GULP1: variants seen among roughly 807,000 people sequenced by gnomAD.
GULP1 encodes GULP PTB domain containing engulfment adaptor 1, also known as PTB domain-containing engulfment adapter protein 1.
A neutral mutation model predicts 40.9 loss-of-function variants in GULP1; 19 were observed. The ratio of observed to expected loss-of-function variants is 0.46; its 90% confidence interval spans 0.32 to 0.68. The LOEUF (loss-of-function observed/expected upper bound fraction) is 0.68, where lower values mean the gene tolerates loss of function less well. GULP1 is among the 30% of genes least tolerant of loss of function. The probability of loss-of-function intolerance (pLI) is 0.03; values close to 1 mark genes in which losing one functional copy is unlikely to be tolerated. For missense variants in GULP1, 312 were observed against 362.2 expected, an observed-to-expected ratio of 0.86 and a Z score of 1.12; for synonymous variants, 119 against 117.6, an observed-to-expected ratio of 1.01 and a Z score of -0.08.
At chr2:188,576,394 T>C (rs903898139) in intron 9 of GULP1, among the ~76,000 whole-genome samples, 1 of 152,094 alleles carries the variant, frequency 6.6e-6, no homozygotes, top group African/African-American at 2.4e-5. Context: ...AGTATTAAAA[T>C]TAAGACATCC....
chr2:188,303,967 G>T (rs1475531954), intron 1 of GULP1, among the ~76,000 whole-genome samples: 2 of 152,116 alleles, frequency 1.3e-5, no homozygotes, highest in Non-Finnish European at 2.9e-5. Context: ...TTGTCCTGGG[G>T]CCCCCCTCTG....
chr2:188,443,160 G>T (rs2058081144), intron 2 of GULP1, among the ~76,000 whole-genome samples: 1 of 148,402 alleles, frequency 6.7e-6, no homozygotes, highest in Admixed American at 6.7e-5. Context: ...TATCCAGAGA[G>T]ATATGGTACA....
intron 7 of GULP1, among the ~76,000 whole-genome samples, chr2:188,562,197 C>G (rs1257962805): frequency 1.3e-5 from 2 of 152,198 alleles, no homozygotes; most frequent in African/African-American, 4.8e-5. Flanking sequence ...AAGCTCCCTC[C>G]TGGGAGCAGT....
At chr2:188,449,405 A>G (rs943763622) in intron 2 of GULP1, among the ~76,000 whole-genome samples, 1 of 152,092 alleles carries the variant, frequency 6.6e-6, no homozygotes, top group African/African-American at 2.4e-5. Flanking sequence ...TTGAGTCTCT[A>G]TGATTTGCAG....
chr2:188,504,136 C>A (rs2063694107), intron 4 of GULP1, among the ~76,000 whole-genome samples: 1 of 151,858 alleles, frequency 6.6e-6, no homozygotes, highest in African/African-American at 2.4e-5. Flanking sequence ...AGCTGTCACT[C>A]TTCTGTACAG....
intron 1 of GULP1, among the ~76,000 whole-genome samples, chr2:188,329,103 A>G (rs1160436536): frequency 1.4e-5 from 2 of 148,126 alleles, no homozygotes; most frequent in Non-Finnish European, 3.0e-5. Flanking sequence ...CCCTCCTTCA[A>G]TCATCAGTAT....
At chr2:188,549,270 C>A (rs1251291590) in intron 7 of GULP1, among the ~76,000 whole-genome samples, 3 of 151,578 alleles carry the variant, frequency 2.0e-5, no homozygotes, top group Admixed American at 2.0e-4. Flanking sequence ...ACATATCAGA[C>A]AAATAACTAG....
chr2:188,516,528 T>C (rs1276217582), intron 4 of GULP1, among the ~76,000 whole-genome samples: 3 of 152,164 alleles, frequency 2.0e-5, no homozygotes, highest in Non-Finnish European at 4.4e-5. Flanking sequence ...TACCTTTGGT[T>C]CTGGGAAAGT....
intron 4 of GULP1, among the ~76,000 whole-genome samples, chr2:188,516,795 C>A (rs1490684546): frequency 6.6e-6 from 1 of 152,092 alleles, no homozygotes; most frequent in Non-Finnish European, 1.5e-5. Flanking sequence ...TATTCTAGAC[C>A]AATTCTTCAA....
chr2:188,562,983 A>G (rs1373009489), intron 7 of GULP1, among the ~76,000 whole-genome samples: 1 of 152,010 alleles, frequency 6.6e-6, no homozygotes, highest in Non-Finnish European at 1.5e-5. Context: ...TCTTTAACTG[A>G]AGAACAGTAA....
intron 1 of GULP1, chr2:188,294,495 T>C (rs2034490017): frequency 6.6e-6 from 1 of 152,084 alleles, no homozygotes; most frequent in Non-Finnish European, 1.5e-5. Flanking sequence ...CTCTTCTTTG[T>C]GTATTAAAGT....
At chr2:188,376,002 GT>G (rs541965836) in intron 1 of GULP1, among the ~76,000 whole-genome samples, 78 of 151,970 alleles carry the variant, frequency 5.1e-4, no homozygotes, top group African/African-American at 1.8e-3. Context: ...CCATATCCAC[GT>G]TTTACATTCT....
At chr2:188,318,725 A>C (rs2039511488) in intron 1 of GULP1, among the ~76,000 whole-genome samples, 1 of 152,134 alleles carries the variant, frequency 6.6e-6, no homozygotes, top group African/African-American at 2.4e-5. Context: ...TTTTCCTAGA[A>C]ATTTCTGCAT....
intron 2 of GULP1, among the ~76,000 whole-genome samples, chr2:188,386,543 TATATA>T (rs1276345387): frequency 3.9e-5 from 6 of 152,262 alleles, no homozygotes; most frequent in Non-Finnish European, 8.8e-5. Context: ...TATCTGTTAA[TATATA>T]ATATGTTTTA....
At chr2:188,521,103 CT>C (rs1282927744) in intron 4 of GULP1, among the ~76,000 whole-genome samples, 1 of 151,768 alleles carries the variant, frequency 6.6e-6, no homozygotes. Context: ...TCGTGAATCT[CT>C]TTGGTCTTAT....
chr2:188,423,845 T>A (rs1391041240), intron 2 of GULP1, among the ~76,000 whole-genome samples: 2 of 151,752 alleles, frequency 1.3e-5, no homozygotes, highest in Non-Finnish European at 3.0e-5. Context: ...AATGGCATTT[T>A]AAAAATATAT....
At chr2:188,409,914 A>G (rs985392085) in intron 2 of GULP1, among the ~76,000 whole-genome samples, 3 of 152,232 alleles carry the variant, frequency 2.0e-5, no homozygotes, top group Admixed American at 1.3e-4. Context: ...CAAAATGAAC[A>G]AAGCTGGAAG....
intron 7 of GULP1, among the ~76,000 whole-genome samples, chr2:188,562,166 A>T (rs183014531): frequency 7.1e-4 from 108 of 152,284 alleles, no homozygotes; most frequent in African/African-American, 2.5e-3. Flanking sequence ...TGGGTCTCAG[A>T]AATGATGTGG....
At chr2:188,434,324 TTTC>T (rs1313440794) in intron 2 of GULP1, among the ~76,000 whole-genome samples, 2 of 151,896 alleles carry the variant, frequency 1.3e-5, no homozygotes, top group Non-Finnish European at 2.9e-5. Flanking sequence ...AAAGTTTCTT[TTTC>T]TTTTTTTTTT....
Sources: allele counts gnomAD v4.1 joint callset (sites outside exome capture counted in the v4.1 genomes callset), GRCh38; gene constraint gnomAD v4.1.1; transcripts MANE v1.5; gene names NCBI Gene and HGNC (gene_info 2026-07-23, HGNC 2026-07-21).